The following ABHD3 variants were observed in gnomAD, a reference collection of about 807,000 sequenced individuals.
The protein encoded by ABHD3 is phospholipase ABHD3.
A neutral mutation model predicts 48.8 loss-of-function variants in ABHD3; 46 were observed. The observed-to-expected ratio is 0.94, with a 90% CI of 0.74 to 1.20. The LOEUF (loss-of-function observed/expected upper bound fraction) is 1.20. Ranked by LOEUF, ABHD3 falls within the 50% of genes most tolerant of loss-of-function variation. The pLI is 0.00. For missense variants in ABHD3, 490 were observed against 497.8 expected (o/e 0.98, Z 0.15); for synonymous variants, 192 against 183.7 (o/e 1.04, Z -0.36).
At chr18:21,685,581 T>C (rs2040112327) in intron 3 of ABHD3, among the ~76,000 whole-genome samples, 1 of 152,206 alleles carries the variant, frequency 6.6e-6, no homozygotes, top group South Asian at 2.1e-4. Context: ...CAGGCTGGAG[T>C]GCGGTGGCGC....
At chr18:21,677,758 ACTGCAAC>A (rs1304175094) in intron 4 of ABHD3, among the ~76,000 whole-genome samples, 1 of 151,816 alleles carries the variant, frequency 6.6e-6, no homozygotes, top group African/African-American at 2.4e-5. Context: ...ATCTCGGCTC[ACTGCAAC>A]CTCCACCTCC....
intron 4 of ABHD3, among the ~76,000 whole-genome samples, chr18:21,667,234 C>CTTTTTTTTTTTTT (rs745430805): frequency 1.2e-5 from 1 of 81,474 alleles, no homozygotes; most frequent in Admixed American, 1.5e-4. Context: ...CCACCACACC[C>CTTTTTTTTTTTTT]TTTTTTTTTT....
In ABHD3 at chr18:21,651,654, G is replaced by C; in HGVS notation, c.1167C>G (p.Tyr389Ter). 6.2e-7 allele frequency: 1 copy of C among 1,614,056 alleles called. No individual in the cohort carries two copies. The highest frequency in any genetic ancestry group is 8.5e-7 in the Non-Finnish European group (1 of 1,180,002). The change falls in exon 9 of 9, where the codon TAC (tyrosine) becomes TAG (stop). Residue 389 changes from tyrosine to a stop codon, truncating the protein, a stop_gained. Coordinates refer to ENST00000289119, the MANE Select transcript of ABHD3 (RefSeq NM_138340.5). LOFTEE classifies it high-confidence loss of function. Reference sequence around the variant, plus strand: ...CAAATTGCTTGAAGACACGATCCATGTAAGTGGACTGTCTTGGCCAGATTC... The same window carrying C: ...CAAATTGCTTGAAGACACGATCCATCTAAGTGGACTGTCTTGGCCAGATTC... ...LEGIWPRQST[Y>*]MDRVFKQFVQ... is the part of the protein sequence containing the mutation.
At chr18:21,689,549 CAAAAAAAAAAAAA>C (rs36011228) in intron 3 of ABHD3, among the ~76,000 whole-genome samples, 16 of 41,806 alleles carry the variant, frequency 3.8e-4, no homozygotes, top group Non-Finnish European at 4.6e-4. Flanking sequence ...AATCTGGTCT[CAAAAAAAAAAAAA>C]AAAAAAAAAA....
intron 3 of ABHD3, among the ~76,000 whole-genome samples, chr18:21,700,365 C>T (rs1294013177): frequency 6.6e-6 from 1 of 152,078 alleles, no homozygotes; most frequent in African/African-American, 2.4e-5. Flanking sequence ...GCTGGGATTA[C>T]AGGCGTGAGC....
chr18:21,660,525 T>A (rs1294325336), intron 5 of ABHD3, among the ~76,000 whole-genome samples: 2 of 152,246 alleles, frequency 1.3e-5, no homozygotes, highest in African/African-American at 2.4e-5. Context: ...CTAATCTACA[T>A]ACACAATGTT....
At chr18:21,703,858 C>G in intron 1 of ABHD3, 111 bp from the exon 2 acceptor site, 2 of 1,250,594 alleles carry the variant, frequency 1.6e-6, no homozygotes, top group Non-Finnish European at 2.2e-6. Flanking sequence ...CCGATTACAA[C>G]TCTTTCTGGA....
Position 21,664,057 on chromosome 18 carries a change from A to C in ABHD3, c.668+61T>G, listed in dbSNP as rs1319087215. The C allele has an allele frequency of 9.1e-6, 14 of 1,544,342 alleles. No homozygotes were observed. The East Asian group carries it at 3.2e-4, about 35-fold the overall frequency. On this transcript the variant is annotated intron_variant, in intron 5 of 8. Coordinates refer to ENST00000289119, the MANE Select transcript of ABHD3 (RefSeq NM_138340.5). ...ATACAGCTAGCTTATAGTCCTCTCA[A>C]AGAGACAGCCAATAAAATAGCTTCC...
chr18:21,660,150 T>TC (rs2039458339), intron 5 of ABHD3, among the ~76,000 whole-genome samples: 1 of 147,842 alleles, frequency 6.8e-6, no homozygotes, highest in Non-Finnish European at 1.5e-5. Context: ...AAAAAAAATT[T>TC]TTTTTTTTTT....
chr18:21,674,243 CTTTT>C (rs34344524), intron 4 of ABHD3, among the ~76,000 whole-genome samples: 1 of 141,652 alleles, frequency 7.1e-6, no homozygotes, highest in Non-Finnish European at 1.6e-5. Context: ...TTATTTTGAA[CTTTT>C]TTTTTTTTTT....
intron 4 of ABHD3, among the ~76,000 whole-genome samples, chr18:21,667,067 AG>A (rs1169235290): frequency 1.4e-5 from 2 of 146,022 alleles, no homozygotes; most frequent in Non-Finnish European, 3.0e-5. Context: ...GAGTAGCCTG[AG>A]AAAATTACAT....
intron 4 of ABHD3, among the ~76,000 whole-genome samples, chr18:21,677,053 G>C (rs568781569): frequency 4.6e-5 from 7 of 152,014 alleles, no homozygotes; most frequent in African/African-American, 1.7e-4. Context: ...CAAGCCTTAG[G>C]TGACCATTAA....
At chr18:21,663,947 A>C in intron 5 of ABHD3, 171 bp downstream of exon 5, 5 of 1,429,364 alleles carry the variant, frequency 3.5e-6, no homozygotes, top group Non-Finnish European at 4.6e-6. Context: ...CACCTGAATT[A>C]ATTCTTTCCT....
chr18:21,665,767 A>G (rs942261603), intron 4 of ABHD3, among the ~76,000 whole-genome samples: 11 of 151,332 alleles, frequency 7.3e-5, no homozygotes, highest in African/African-American at 2.4e-4. Context: ...AGCTGAGATC[A>G]CGCCACTGCA....
intron 4 of ABHD3, among the ~76,000 whole-genome samples, chr18:21,683,167 T>G (rs7343008): frequency 0.52 from 78,319 of 151,948 alleles, 23,584 homozygotes; most frequent in African/African-American, 0.84. Context: ...TCTAGTAGAA[T>G]TGCCTTTGAC....
chr18:21,698,249 G>A (rs539872258), intron 3 of ABHD3, among the ~76,000 whole-genome samples: 3 of 151,482 alleles, frequency 2.0e-5, no homozygotes, highest in African/African-American at 4.8e-5. Context: ...GCAATGGTGC[G>A]ATCTCAGCTC....
chr18:21,654,437 T>C (rs1348967305), intron 8 of ABHD3, among the ~76,000 whole-genome samples: 1 of 152,108 alleles, frequency 6.6e-6, no homozygotes, highest in Non-Finnish European at 1.5e-5. Flanking sequence ...CTCTAAAGAA[T>C]AAACCGATAG....
chr18:21,660,444 G>A (rs112768339), intron 5 of ABHD3, among the ~76,000 whole-genome samples: 1 of 151,898 alleles, frequency 6.6e-6, no homozygotes. Flanking sequence ...ATTTTCTTCT[G>A]TTCTTTTTGT....
chr18:21,687,936 C>T (rs74914582), intron 3 of ABHD3, among the ~76,000 whole-genome samples: 3,471 of 152,316 alleles, frequency 0.023, 145 homozygotes, highest in Admixed American at 0.11. Flanking sequence ...GCACATGCCC[C>T]AGGCATAACA....
Sources: gnomAD v4.1 joint callset for allele counts (sites outside exome capture counted in the v4.1 genomes callset) on GRCh38, gnomAD v4.1.1 for gene constraint, MANE v1.5 for transcripts, NCBI Gene and HGNC (gene_info 2026-07-23, HGNC 2026-07-21) for gene names.